The following A3GALT2 variants were observed in gnomAD, a reference collection of about 807,000 sequenced individuals.
The protein encoded by A3GALT2 is alpha 1,3-galactosyltransferase 2.
A neutral mutation model predicts 16.6 loss-of-function variants in A3GALT2; 14 were observed. The observed-to-expected ratio is 0.84, with a 90% CI of 0.56 to 1.32. The LOEUF (loss-of-function observed/expected upper bound fraction) is 1.32. Ranked by LOEUF, A3GALT2 falls within the 40% of genes most tolerant of loss-of-function variation. A3GALT2 has a pLI of 0.00. For synonymous variants in A3GALT2, 253 were observed against 218.0 expected (o/e 1.16, Z -1.42); for missense variants, 600 against 490.9 (o/e 1.22, Z -2.10).
chr1:33,311,557 T>G (rs1025004899), intron 4 of A3GALT2, among the ~76,000 whole-genome samples: 1 of 152,178 alleles, frequency 6.6e-6, no homozygotes, highest in African/African-American at 2.4e-5. Context: ...ATTCACTCCC[T>G]TGCAATCCTT....
intron 4 of A3GALT2, among the ~76,000 whole-genome samples, chr1:33,311,300 A>AT (rs1368238066): frequency 6.6e-6 from 1 of 151,712 alleles, no homozygotes; most frequent in African/African-American, 2.4e-5. Flanking sequence ...TCCTGTAGTG[A>AT]TTTTCCCGTG....
chr1:33,312,141 A>G lies in A3GALT2; in HGVS notation c.246T>C (p.Ile82=), dbSNP rs1337496578. ...LTCTPWGAPI[I]WDGSFDPDVA... is the part of the protein sequence containing the mutation. ...CATCTGGGTCGAAAGAGCCATCCCAAATAATGGGAGCCCCCCAGGGGGTAC... is the reference window on the plus strand; with the variant it reads ...CATCTGGGTCGAAAGAGCCATCCCAGATAATGGGAGCCCCCCAGGGGGTAC... Residue 82 remains isoleucine (I), a synonymous_variant, in exon 4 of 5, where the codon ATT becomes ATC. Coordinates refer to ENST00000442999, the MANE Select transcript of A3GALT2 (RefSeq NM_001080438.1). 3 of 1,613,446 alleles carry G rather than the reference A, an allele frequency of 1.9e-6. No individual in the cohort carries two copies. Among genetic ancestry groups the G allele is most frequent in the African/African-American group, 2.7e-5 (2 of 74,930 alleles).
At chr1:33,314,119 A>G (rs1028254535) in intron 1 of A3GALT2, 3 of 140,390 alleles carry the variant, frequency 2.1e-5, no homozygotes, top group Non-Finnish European at 3.0e-5. Flanking sequence ...CTAGCGTGCA[A>G]TGGCACAGTC....
At chr1:33,310,831 G>A (rs774577919) in intron 4 of A3GALT2, among the ~76,000 whole-genome samples, 1 of 152,184 alleles carries the variant, frequency 6.6e-6, no homozygotes, top group Non-Finnish European at 1.5e-5. Context: ...GGGCAGGAAC[G>A]CCCTACTCCG....
At chr1:33,316,593 CAG>C (rs1646263432) in intron 1 of A3GALT2, among the ~76,000 whole-genome samples, 2 of 150,208 alleles carry the variant, frequency 1.3e-5, no homozygotes, top group Admixed American at 6.6e-5. Context: ...TGGGAGGTAT[CAG>C]GGGCAACACC....
chr1:33,315,600 A>T (rs1646257965), intron 1 of A3GALT2, among the ~76,000 whole-genome samples: 1 of 152,182 alleles, frequency 6.6e-6, no homozygotes. Flanking sequence ...ATGCAGTGAG[A>T]TTGGTGCTCT....
Position 33,307,184 on chromosome 1 carries a change from T to C in A3GALT2, c.605A>G (p.Gln202Arg), listed in dbSNP as rs1381744835. The stretch of plus-strand genomic sequence containing the variant: ...GGGCCCAAAAGTGCCGCTGAAGTGC[T>C]GGTCCACGTCCATGCAGAACATGAA... ...AHFMFCMDVD[Q>R]HFSGTFGPEA... is the part of the protein sequence containing the mutation. Residue 202 changes from glutamine (Q) to arginine (R), a missense_variant, in exon 5 of 5, where the codon CAG (glutamine) becomes CGG (arginine). By Grantham distance (43) the Gln-to-Arg change is conservative. Transcript: ENST00000442999. 1.3e-6 allele frequency: 2 copies of C among 1,549,888 alleles called. No individual in the cohort carries two copies. The highest frequency in any genetic ancestry group is 2.8e-5 in the African/African-American group (2 of 70,820).
At chr1:33,316,763 A>AAGGC in intron 1 of A3GALT2, among the ~76,000 whole-genome samples, 1 of 152,318 alleles carries the variant, frequency 6.6e-6, no homozygotes, top group South Asian at 2.1e-4. Context: ...TGGAGCCCAG[A>AAGGC]AGGCAGGCAG....
chr1:33,307,849 G>A (rs190302046), intron 4 of A3GALT2, among the ~76,000 whole-genome samples: 33 of 666 alleles, frequency 0.05, 2 homozygotes, highest in Non-Finnish European at 0.071. Flanking sequence ...CCACCTCAGC[G>A]CGCCTAACCC....
rs1646281643 is a variant in A3GALT2 at position 33,320,637 on chromosome 1, G to A, written c.23+439C>T. ...TGTGCCCTGCTCCCCACTCTCGTTG[G>A]CTTCAAGAAAGGGTTAAAGATCAGC... is the stretch of plus-strand genomic sequence containing the variant. On this transcript the variant is annotated intron_variant, in intron 1 of 4. Coordinates refer to ENST00000442999, the MANE Select transcript of A3GALT2 (RefSeq NM_001080438.1). This position sits in a 1 kb window ranked among gnomAD's most constrained non-coding sequence, Gnocchi z 4.3. Among the ~76,000 whole-genome samples the A allele has an allele frequency of 6.6e-6, 1 of 152,012 alleles. No homozygotes were observed. The highest frequency in any genetic ancestry group is 1.5e-5 in the Non-Finnish European group (1 of 68,028).
At chr1:33,307,630 C>A (rs1646202988) in intron 4 of A3GALT2, among the ~76,000 whole-genome samples, 177 bp from the exon 5 acceptor site, 1 of 80,408 alleles carries the variant, frequency 1.2e-5, no homozygotes, top group African/African-American at 5.2e-5. Context: ...CTCACCCCCA[C>A]CTCACACCAC....
At chr1:33,312,642 C>T (rs1453365796) in intron 2 of A3GALT2, 52 bp from the exon 3 acceptor site, 54 of 1,510,064 alleles carry the variant, frequency 3.6e-5, no homozygotes, top group Non-Finnish European at 4.4e-5. Flanking sequence ...GCATGTCAGC[C>T]TGGCCAGGAG....
At chr1:33,318,362 T>A (rs1646270525) in intron 1 of A3GALT2, among the ~76,000 whole-genome samples, 1 of 152,022 alleles carries the variant, frequency 6.6e-6, no homozygotes, top group Non-Finnish European at 1.5e-5. Context: ...CCACTCACTC[T>A]CCTCCGTCCC....
Position 33,312,117 on chromosome 1 carries a change from A to G in A3GALT2, c.270T>C (p.Asp90=). 2 of 1,613,650 alleles carry G rather than the reference A, an allele frequency of 1.2e-6. No individual in the cohort carries two copies. The highest frequency in any genetic ancestry group is 1.7e-6 in the Non-Finnish European group (2 of 1,179,816). The change falls in exon 4 of 5, where the codon GAT becomes GAC. Residue 90 remains aspartate, a synonymous_variant. Coordinates refer to ENST00000442999, the MANE Select transcript of A3GALT2 (RefSeq NM_001080438.1). ...PIIWDGSFDP[D]VAKQEARQQN... is the part of the protein sequence containing the mutation. ...GCTGTCTAGCCTCTTGCTTGGCCAC[A>G]TCTGGGTCGAAAGAGCCATCCCAAA...
At chr1:33,309,414 C>T (rs1201781289) in intron 4 of A3GALT2, among the ~76,000 whole-genome samples, 2 of 150,042 alleles carry the variant, frequency 1.3e-5, no homozygotes, top group African/African-American at 2.5e-5. Context: ...ACCTCCCTCC[C>T]GGACGGGGCG....
At position 33,306,829 on chromosome 1, in the gene A3GALT2, C is replaced by T; in HGVS notation, c.960G>A (p.Arg320=). The T allele has an allele frequency of 6.7e-7, 1 of 1,494,700 alleles. No individual in the cohort carries two copies. Among genetic ancestry groups the T allele is most frequent in the Admixed American group, 2.3e-5 (1 of 44,184 alleles). 92.6% of individuals were successfully genotyped at this position (1,494,700 alleles called of 1,614,324 possible). A position where few individuals can be genotyped will look rare whatever the true frequency, so the allele number is the denominator to read the frequency against. The change falls in exon 5 of 5, where the codon CGG becomes CGA. Residue 320 remains arginine, a synonymous_variant. Coordinates refer to ENST00000442999, the MANE Select transcript of A3GALT2 (RefSeq NM_001080438.1). ...GCAGTCGCGGGCGGCGGATCTCGGC[C>T]CGCGGGCCGATGTCCGGGCTCCAGC... ...EFCWSPDIGP[R]AEIRRPRLLW...
Position 33,306,954 on chromosome 1 carries a change from C to T in A3GALT2, c.835G>A (p.Asp279Asn), listed in dbSNP as rs372267904. The T allele has an allele frequency of 3.3e-4, 504 of 1,506,620 alleles. 2 individuals carry two copies. The highest frequency in any genetic ancestry group is 1.4e-3 in the Admixed American group (66 of 46,362). 93.3% of individuals were successfully genotyped at this position (1,506,620 alleles called of 1,614,324 possible). A position where few individuals can be genotyped will look rare whatever the true frequency, so the allele number is the denominator to read the frequency against. The change falls in exon 5 of 5, where the codon GAC becomes AAC. Residue 279 changes from aspartate to asparagine, a missense_variant. By Grantham distance (23) the Asp-to-Asn change is conservative. Coordinates refer to ENST00000442999, the MANE Select transcript of A3GALT2 (RefSeq NM_001080438.1). ...TAHCAGGLDW[D>N]RARGLEARWH... ...CGCGCCTCCAGGCCGCGCGCGCGGTCCCAGTCCAGGCCCCCCGCACAGTGC... is the reference window on the plus strand; with the variant it reads ...CGCGCCTCCAGGCCGCGCGCGCGGTTCCAGTCCAGGCCCCCCGCACAGTGC...
chr1:33,314,213 C>T (rs77898537), intron 1 of A3GALT2: 14,469 of 152,232 alleles, frequency 0.095, 980 homozygotes, highest in East Asian at 0.26. Context: ...CGAGTGCCCA[C>T]CACCTTGCCC....
rs757267219 is a variant in A3GALT2, at chr1:33,307,323, GT to G, written c.465del (p.Arg156AlafsTer113). 2.0e-6 allele frequency: 3 copies of G among 1,511,316 alleles called. No individual in the cohort carries two copies. Among genetic ancestry groups the G allele is most frequent in the Middle Eastern group, 1.8e-4 (1 of 5,652 alleles). The allele number at this position is 1,511,316 out of a possible 1,614,324, so 93.6% of individuals were successfully genotyped here. A position where few individuals can be genotyped will look rare whatever the true frequency, so the allele number is the denominator to read the frequency against. On this transcript the variant is annotated frameshift_variant, in exon 5 of 5. Coordinates refer to ENST00000442999, the MANE Select transcript of A3GALT2 (RefSeq NM_001080438.1). LOFTEE classifies it low-confidence loss of function (END_TRUNC). ...GCCACGCGCTCCACGGGCAGCCGGC[GT>G]CCCGGGCCCAGCGCCACGCGGGGCA... ...GAVPRVALGPGRRLPVERVAR... is the reference protein window; with the variant it reads ...GAVPRVALGPXRRLPVERVAR...
Sources: gnomAD v4.1 joint callset for allele counts (sites outside exome capture counted in the v4.1 genomes callset) on GRCh38, gnomAD v4.1.1 for gene constraint, Gnocchi (gnomAD v3.1) non-coding constraint, MANE v1.5 for transcripts, NCBI Gene and HGNC (gene_info 2026-07-23, HGNC 2026-07-21) for gene names.